The following ZNF804B variants were observed in gnomAD, a reference collection of about 807,000 sequenced individuals.
The protein encoded by ZNF804B is zinc finger protein 804B.
ZNF804B carries 80 observed loss-of-function variants against 101.4 expected under a neutral mutation model. The ratio of observed to expected loss-of-function variants is 0.79; its 90% CI spans 0.66 to 0.95. The LOEUF (loss-of-function observed/expected upper bound fraction) is 0.95. Ranked by LOEUF, ZNF804B falls within the 40% of genes least tolerant of loss-of-function variation. ZNF804B has a pLI of 0.00. For missense variants in ZNF804B, 1,673 were observed against 1,561.9 expected, an observed-to-expected ratio of 1.07 and a Z score of -1.20; for synonymous variants, 622 against 558.8, an observed-to-expected ratio of 1.11 and a Z score of -1.59.
chr7:89,103,052 T>TTTTTTTTTTTTG (rs1790082314), intron 1 of ZNF804B, among the ~76,000 whole-genome samples: 1 of 34,310 alleles, frequency 2.9e-5, no homozygotes, highest in African/African-American at 1.3e-4. Context: ...GTGTCTGTTT[T>TTTTTTTTTTTTG]TTTTTTTTTT....
intron 2 of ZNF804B, among the ~76,000 whole-genome samples, chr7:89,267,715 G>A (rs1789822838): frequency 6.6e-6 from 1 of 152,126 alleles, no homozygotes; most frequent in Non-Finnish European, 1.5e-5. Flanking sequence ...CTAATAGAAG[G>A]ATGTTTTTGC....
At chr7:88,970,435 A>G (rs148272154) in intron 1 of ZNF804B, among the ~76,000 whole-genome samples, 3 of 151,032 alleles carry the variant, frequency 2.0e-5, no homozygotes, top group Non-Finnish European at 3.0e-5. Flanking sequence ...TAAAAACTTT[A>G]TATTCCAAAC....
intron 1 of ZNF804B, among the ~76,000 whole-genome samples, chr7:88,927,152 G>A (rs1240550801): frequency 6.6e-6 from 1 of 152,158 alleles, no homozygotes; most frequent in Non-Finnish European, 1.5e-5. Flanking sequence ...TCTATAAGCT[G>A]TATATGGTAA....
At chr7:89,007,552 ATATT>A (rs1435499346) in intron 1 of ZNF804B, among the ~76,000 whole-genome samples, 1 of 111,716 alleles carries the variant, frequency 9.0e-6, no homozygotes, top group Non-Finnish European at 1.7e-5. Flanking sequence ...TATATAATAT[ATATT>A]TATCTATTAT....
At chr7:89,125,038 T>A (rs1790458799) in intron 1 of ZNF804B, among the ~76,000 whole-genome samples, 1 of 151,898 alleles carries the variant, frequency 6.6e-6, no homozygotes, top group Admixed American at 6.6e-5. Context: ...GTTGTTTTTT[T>A]TTTTTTTTAG....
intron 1 of ZNF804B, among the ~76,000 whole-genome samples, chr7:88,952,213 G>C (rs1793234197): frequency 6.6e-6 from 1 of 151,692 alleles, no homozygotes; most frequent in African/African-American, 2.4e-5. Context: ...CTGGGCTTGT[G>C]CCATATTCAC....
Position 89,004,337 on chromosome 7 carries a change from A to G in ZNF804B, c.109-213818A>G, listed in dbSNP as rs1190573622. 2.6e-5 allele frequency among the ~76,000 whole-genome samples: 4 copies of G among 151,882 alleles called. No homozygotes were observed. The East Asian group carries it at 7.7e-4, about 29-fold the overall frequency. On this transcript the variant is annotated intron_variant, in intron 1 of 3. Transcript: ENST00000333190. ...CAGAAAATACTTTGTAAACTTTGGA[A>G]TCTCATGAATAATTTAGTTATTCAT...
intron 1 of ZNF804B, among the ~76,000 whole-genome samples, chr7:88,952,738 C>G (rs1793244068): frequency 6.6e-6 from 1 of 151,730 alleles, no homozygotes; most frequent in Admixed American, 6.6e-5. Flanking sequence ...CCATAGATGC[C>G]TTTGATATTT....
At chr7:89,183,486 T>C (rs995048555) in intron 1 of ZNF804B, among the ~76,000 whole-genome samples, 1 of 152,178 alleles carries the variant, frequency 6.6e-6, no homozygotes, top group Non-Finnish European at 1.5e-5. Context: ...TTAAAAAGTC[T>C]GCAAAAATCA....
At chr7:89,262,976 TTAG>T (rs1562930818) in intron 2 of ZNF804B, among the ~76,000 whole-genome samples, 1 of 151,790 alleles carries the variant, frequency 6.6e-6, no homozygotes, top group African/African-American at 2.4e-5. Flanking sequence ...ACTTTGTAGC[TTAG>T]TTGTCCTGTA....
intron 1 of ZNF804B, among the ~76,000 whole-genome samples, chr7:89,151,539 TG>T (rs753299302): frequency 2.0e-5 from 3 of 152,140 alleles, no homozygotes; most frequent in Non-Finnish European, 2.9e-5. Flanking sequence ...CCATGGATGT[TG>T]TCCATGATTA....
At chr7:88,832,525 C>T (rs1450520063) in intron 1 of ZNF804B, among the ~76,000 whole-genome samples, 1 of 151,570 alleles carries the variant, frequency 6.6e-6, no homozygotes, top group Non-Finnish European at 1.5e-5. Flanking sequence ...GAGATAAAAG[C>T]GGGAGCTATT....
intron 1 of ZNF804B, among the ~76,000 whole-genome samples, chr7:88,818,339 C>A (rs1236701091): frequency 2.0e-5 from 3 of 151,786 alleles, no homozygotes; most frequent in Non-Finnish European, 4.4e-5. Context: ...TAGGGATTAT[C>A]CTAATTAAAT....
At chr7:89,121,366 C>T (rs1790403884) in intron 1 of ZNF804B, among the ~76,000 whole-genome samples, 1 of 148,530 alleles carries the variant, frequency 6.7e-6, no homozygotes, top group Non-Finnish European at 1.5e-5. Context: ...AAATACCTAG[C>T]ATATTTGACA....
chr7:89,059,261 A>G (rs1196216597), intron 1 of ZNF804B, among the ~76,000 whole-genome samples: 1 of 152,190 alleles, frequency 6.6e-6, no homozygotes, highest in Non-Finnish European at 1.5e-5. Context: ...TTTCATTGCA[A>G]TAAAGAAATA....
intron 1 of ZNF804B, among the ~76,000 whole-genome samples, chr7:89,120,989 G>A (rs1790395993): frequency 6.6e-6 from 1 of 152,144 alleles, no homozygotes; most frequent in African/African-American, 2.4e-5. Flanking sequence ...AAGACATTTT[G>A]CATATATTAA....
intron 1 of ZNF804B, among the ~76,000 whole-genome samples, chr7:88,842,760 C>T (rs1791307832): frequency 6.6e-6 from 1 of 152,206 alleles, no homozygotes; most frequent in South Asian, 2.1e-4. Flanking sequence ...AATAATTGCA[C>T]TCCTTTGCAC....
At chr7:89,294,745 C>T (rs1042748584) in intron 2 of ZNF804B, among the ~76,000 whole-genome samples, 1 of 151,704 alleles carries the variant, frequency 6.6e-6, no homozygotes, top group African/African-American at 2.4e-5. Flanking sequence ...ATTCTTTATA[C>T]TATTTTTCAT....
At chr7:88,922,514 TG>T (rs1169829119) in intron 1 of ZNF804B, among the ~76,000 whole-genome samples, 2 of 152,036 alleles carry the variant, frequency 1.3e-5, no homozygotes, top group African/African-American at 2.4e-5. Flanking sequence ...TAGACATTTA[TG>T]TATTAAAGGA....
Sources: allele counts gnomAD v4.1 joint callset (sites outside exome capture counted in the v4.1 genomes callset), GRCh38; gene constraint gnomAD v4.1.1; transcripts MANE v1.5; gene names NCBI Gene and HGNC (gene_info 2026-07-23, HGNC 2026-07-21).